The following PLEKHB2 variants were observed in gnomAD, a reference collection of about 807,000 sequenced individuals.
PLEKHB2 encodes the protein pleckstrin homology domain-containing family B member 2.
PLEKHB2 carries 31 observed loss-of-function variants against 36.5 expected under a neutral mutation model. The observed-to-expected ratio is 0.85, with a 90% confidence interval of 0.64 to 1.15. The LOEUF (loss-of-function observed/expected upper bound fraction) is 1.15. Among genes scored for constraint, PLEKHB2 ranks in the 50% most tolerant of loss-of-function variants. The probability of loss-of-function intolerance (pLI) is 0.00; values close to 1 mark genes in which losing one functional copy is unlikely to be tolerated. For missense variants in PLEKHB2, 262 were observed against 295.3 expected, an observed-to-expected ratio of 0.89 and a Z score of 0.83; for synonymous variants, 119 against 112.0, an observed-to-expected ratio of 1.06 and a Z score of -0.39.
intron 7 of PLEKHB2, among the ~76,000 whole-genome samples, chr2:131,146,163 A>C (rs1236288746): frequency 1.3e-5 from 2 of 152,072 alleles, no homozygotes; most frequent in Non-Finnish European, 2.9e-5. Flanking sequence ...GCCTGGGGAC[A>C]GAGCAAGACT....
At chr2:131,121,107 C>T in intron 2 of PLEKHB2, 129 bp downstream of exon 2, 1 of 798,944 alleles carries the variant, frequency 1.3e-6, no homozygotes, top group Non-Finnish European at 2.0e-6. Flanking sequence ...TGAGTTTCCC[C>T]TTGGACATTC....
intron 2 of PLEKHB2, among the ~76,000 whole-genome samples, chr2:131,122,142 G>A (rs1276842396): frequency 3.3e-5 from 5 of 152,160 alleles, no homozygotes; most frequent in Admixed American, 6.5e-5. Context: ...TGGTCTGCCC[G>A]CCTCGGCCTC....
rs201885930 is a variant in PLEKHB2, at chr2:131,126,667, C to T, written c.191-17C>T. 5.2e-5 allele frequency: 77 copies of T among 1,482,628 alleles called. No individual in the cohort carries two copies. The highest frequency in any genetic ancestry group is 7.1e-5 in the Non-Finnish European group (75 of 1,060,552). 91.8% of individuals were successfully genotyped at this position (1,482,628 alleles called of 1,614,324 possible). On this transcript the variant is annotated splice_polypyrimidine_tract_variant and intron_variant, in intron 3 of 7. Transcript: ENST00000693505. ...AAATCCTGAAAAAAGTTCCTTTATT[C>T]TGCTTATTTTTCATAGATACTCAGC...
rs1699453842 is a variant in PLEKHB2, at chr2:131,148,507, A to T, written c.*1734A>T. 1 of 152,068 alleles carries T rather than the reference A, an allele frequency of 6.6e-6. No individual in the cohort carries two copies. The highest frequency in any genetic ancestry group is 1.5e-5 in the Non-Finnish European group (1 of 68,014). The allele number at this position is 152,068 out of a possible 1,614,324, so 9.4% of individuals were successfully genotyped here. On this transcript the variant is annotated 3_prime_UTR_variant, in exon 8 of 8. Transcript: ENST00000693505. ...TATGGTCCTGTTTTCCTGAAAATACACTCCAGGTAGCACAGACTTGTTATT... is the reference window on the plus strand; with the variant it reads ...TATGGTCCTGTTTTCCTGAAAATACTCTCCAGGTAGCACAGACTTGTTATT...
intron 7 of PLEKHB2, among the ~76,000 whole-genome samples, chr2:131,142,206 G>A (rs779558708): frequency 6.6e-6 from 1 of 152,144 alleles, no homozygotes; most frequent in Non-Finnish European, 1.5e-5. Flanking sequence ...CCACACAGGC[G>A]GTGCCCCAGA....
intron 1 of PLEKHB2, among the ~76,000 whole-genome samples, chr2:131,115,479 G>A (rs569835466): frequency 4.2e-4 from 61 of 146,800 alleles, no homozygotes; most frequent in South Asian, 8.8e-4. Context: ...TCAGCCTCCC[G>A]AGTAGCTGGG....
At chr2:131,113,875 T>C (rs553447599) in intron 1 of PLEKHB2, among the ~76,000 whole-genome samples, 1 of 152,270 alleles carries the variant, frequency 6.6e-6, no homozygotes, top group East Asian at 1.9e-4. Context: ...GTGACCCCTT[T>C]GAAGACTTTC....
At chr2:131,118,902 A>G (rs1383216524) in intron 1 of PLEKHB2, 1 of 146,902 alleles carries the variant, frequency 6.8e-6, no homozygotes, top group African/African-American at 2.5e-5. Flanking sequence ...AAAAAAAGCT[A>G]AAGCAGAAAA....
At chr2:131,122,969 A>G (rs1204939382) in intron 2 of PLEKHB2, among the ~76,000 whole-genome samples, 1 of 152,108 alleles carries the variant, frequency 6.6e-6, no homozygotes, top group Non-Finnish European at 1.5e-5. Context: ...GTCCTTTGCC[A>G]CACCCTTGTT....
intron 5 of PLEKHB2, among the ~76,000 whole-genome samples, chr2:131,131,999 A>C (rs1159610552): frequency 2.0e-5 from 3 of 151,932 alleles, no homozygotes; most frequent in Non-Finnish European, 4.4e-5. Context: ...ACGCCCAGCT[A>C]ATTTTTGTAT....
At chr2:131,121,496 C>T (rs542447606) in intron 2 of PLEKHB2, among the ~76,000 whole-genome samples, 1 of 152,192 alleles carries the variant, frequency 6.6e-6, no homozygotes, top group East Asian at 1.9e-4. Context: ...GATCTGCCCA[C>T]CTGGGTTCCC....
chr2:131,146,921 C>T lies in PLEKHB2; in HGVS notation c.*148C>T. On this transcript the variant is annotated 3_prime_UTR_variant, in exon 8 of 8. Coordinates refer to ENST00000693505, the MANE Select transcript of PLEKHB2 (RefSeq NM_001100623.2). The stretch of plus-strand genomic sequence containing the variant: ...GTGATGTCATAATTGTACTAATCCA[C>T]ATAAGTACCACAGAGAAGGGTTTGA... The T allele has an allele frequency of 1.5e-6, 1 of 649,218 alleles. No homozygotes were observed. Among genetic ancestry groups the T allele is most frequent in the South Asian group, 2.5e-5 (1 of 39,958 alleles). 40.2% of individuals were successfully genotyped at this position (649,218 alleles called of 1,614,324 possible). A position where few individuals can be genotyped will look rare whatever the true frequency, so the allele number is the denominator to read the frequency against.
intron 7 of PLEKHB2, chr2:131,144,315 G>GT: frequency 2.2e-6 from 1 of 446,092 alleles, no homozygotes; most frequent in East Asian, 3.6e-5. Context: ...TAACCCGCTA[G>GT]TGGGTGTTCG....
At chr2:131,129,064 C>T (rs1332421418) in intron 4 of PLEKHB2, among the ~76,000 whole-genome samples, 3 of 152,242 alleles carry the variant, frequency 2.0e-5, no homozygotes, top group South Asian at 2.1e-4. Context: ...GTGGCTCAAG[C>T]TTGTAATCCC....
At chr2:131,141,720 G>A (rs1274567709) in intron 7 of PLEKHB2, among the ~76,000 whole-genome samples, 1 of 150,570 alleles carries the variant, frequency 6.6e-6, no homozygotes, top group East Asian at 2.0e-4. Context: ...AAATACATTT[G>A]TTTGAATTAC....
chr2:131,127,706 G>T (rs760848957), intron 4 of PLEKHB2, among the ~76,000 whole-genome samples: 11 of 152,208 alleles, frequency 7.2e-5, no homozygotes, highest in Non-Finnish European at 1.6e-4. Context: ...AGAAATAGAT[G>T]ATTCTACTGA....
chr2:131,144,421 G>T, intron 7 of PLEKHB2: 2 of 1,229,420 alleles, frequency 1.6e-6, no homozygotes, highest in South Asian at 8.3e-5. Flanking sequence ...CCATCCTCAT[G>T]ACACGTCATT....
At chr2:131,136,142 C>T (rs1559096583) in intron 6 of PLEKHB2, among the ~76,000 whole-genome samples, 1 of 150,472 alleles carries the variant, frequency 6.6e-6, no homozygotes, top group African/African-American at 2.5e-5. Flanking sequence ...AGTTGCTTGC[C>T]TGCCTGTCTT....
intron 7 of PLEKHB2, among the ~76,000 whole-genome samples, chr2:131,141,365 C>T (rs1698760429): frequency 6.6e-6 from 1 of 152,050 alleles, no homozygotes; most frequent in Admixed American, 6.5e-5. Context: ...GTAGTCCGGG[C>T]ACGGTGGCTC....
Sources: allele counts gnomAD v4.1 joint callset (sites outside exome capture counted in the v4.1 genomes callset), GRCh38; gene constraint gnomAD v4.1.1; transcripts MANE v1.5; gene names NCBI Gene and HGNC (gene_info 2026-07-23, HGNC 2026-07-21).